Variants in CPQ observed in about 807,000 individuals in gnomAD.
CPQ encodes the protein Ser-Met dipeptidase.
CPQ carries 37 observed loss-of-function variants against 45.7 expected under a neutral mutation model. The observed-to-expected ratio is 0.81, with a 90% CI of 0.62 to 1.07. The LOEUF (loss-of-function observed/expected upper bound fraction) is 1.07, where lower values mean the gene tolerates loss of function less well. Among genes scored for constraint, CPQ ranks in the 50% least tolerant of loss-of-function variants. The pLI is 0.00. For missense variants in CPQ, 537 were observed against 572.9 expected (o/e 0.94, Z 0.64); for synonymous variants, 186 against 205.8 (o/e 0.90, Z 0.82).
At chr8:96,910,689 A>G (rs939151703) in intron 4 of CPQ, among the ~76,000 whole-genome samples, 2 of 152,144 alleles carry the variant, frequency 1.3e-5, no homozygotes, top group Admixed American at 6.5e-5. Flanking sequence ...TATATTTAGT[A>G]GAGACGGGGT....
intron 5 of CPQ, among the ~76,000 whole-genome samples, chr8:97,020,574 C>T (rs754570710): frequency 6.6e-6 from 1 of 152,032 alleles, no homozygotes; most frequent in Non-Finnish European, 1.5e-5. Context: ...TGCAAAAGGT[C>T]ATTCAAGGGT....
intron 2 of CPQ, among the ~76,000 whole-genome samples, chr8:96,792,366 T>C (rs1268206286): frequency 1.3e-5 from 2 of 152,228 alleles, no homozygotes; most frequent in Admixed American, 6.5e-5. Flanking sequence ...TTGGGCAGAC[T>C]ATGCGGTTCT....
chr8:96,863,669 T>A (rs1184464644), intron 3 of CPQ, among the ~76,000 whole-genome samples: 4 of 152,104 alleles, frequency 2.6e-5, no homozygotes, highest in African/African-American at 9.7e-5. Context: ...AGTGCTATTT[T>A]GTTTAGTGTT....
intron 4 of CPQ, among the ~76,000 whole-genome samples, chr8:96,930,488 T>G (rs1268812898): frequency 6.6e-6 from 1 of 152,214 alleles, no homozygotes; most frequent in Admixed American, 6.5e-5. Flanking sequence ...CAAACATGAT[T>G]ACCAAAAGTA....
At chr8:97,097,931 A>T (rs1811237348) in intron 7 of CPQ, among the ~76,000 whole-genome samples, 1 of 152,204 alleles carries the variant, frequency 6.6e-6, no homozygotes, top group Admixed American at 6.5e-5. Flanking sequence ...GCCCTAACTA[A>T]GTGCAAGGGG....
intron 5 of CPQ, among the ~76,000 whole-genome samples, chr8:96,985,191 G>A (rs747027530): frequency 1.3e-5 from 2 of 151,198 alleles, no homozygotes; most frequent in African/African-American, 4.9e-5. Context: ...ACCATGATTT[G>A]TTTAGGGACA....
chr8:96,845,653 T>G (rs1472804137), intron 3 of CPQ, among the ~76,000 whole-genome samples: 1 of 152,056 alleles, frequency 6.6e-6, no homozygotes, highest in Non-Finnish European at 1.5e-5. Context: ...TGTCTATTTT[T>G]TAAAAAAAAT....
At chr8:96,983,385 G>T (rs1441796675) in intron 5 of CPQ, among the ~76,000 whole-genome samples, 1 of 152,186 alleles carries the variant, frequency 6.6e-6, no homozygotes, top group Non-Finnish European at 1.5e-5. Context: ...TTCCAAAATA[G>T]AGAGTTATTA....
chr8:96,712,612 T>C (rs539794636), intron 1 of CPQ, among the ~76,000 whole-genome samples: 1 of 152,336 alleles, frequency 6.6e-6, no homozygotes, highest in African/African-American at 2.4e-5. Flanking sequence ...GCCTGAGCTG[T>C]ACTTAGCCTC....
At chr8:97,131,384 C>T (rs1034452350) in intron 7 of CPQ, among the ~76,000 whole-genome samples, 2 of 152,130 alleles carry the variant, frequency 1.3e-5, no homozygotes, top group African/African-American at 4.8e-5. Flanking sequence ...CACATGACAC[C>T]GTCTTCATTT....
rs60225089 is a variant in CPQ at position 96,750,683 on chromosome 8, C to T, written c.-34-34181C>T. Reference sequence around the variant, plus strand: ...TAGTGCAGGATGTACAGATTTGTTACGTAGGTAAACATGTGCCATGGTGGT... The same window carrying T: ...TAGTGCAGGATGTACAGATTTGTTATGTAGGTAAACATGTGCCATGGTGGT... On this transcript the variant is annotated intron_variant, in intron 1 of 7. Coordinates refer to ENST00000220763, the MANE Select transcript of CPQ (RefSeq NM_016134.4). 4.0e-5 allele frequency among the ~76,000 whole-genome samples: 6 copies of T among 149,720 alleles called. No individual in the cohort carries two copies. The East Asian group carries it at 5.9e-4, about 15-fold the overall frequency.
intron 2 of CPQ, among the ~76,000 whole-genome samples, chr8:96,806,502 A>G (rs910804393): frequency 6.6e-6 from 1 of 152,188 alleles, no homozygotes; most frequent in Non-Finnish European, 1.5e-5. Flanking sequence ...AAAATATGAA[A>G]TTATTATTAA....
intron 6 of CPQ, among the ~76,000 whole-genome samples, chr8:97,049,082 C>A (rs1563565943): frequency 6.6e-6 from 1 of 152,118 alleles, no homozygotes; most frequent in Admixed American, 6.6e-5. Context: ...TATAATTTCC[C>A]AGCTAATTAT....
At chr8:96,677,505 C>CT (rs1378255410) in intron 1 of CPQ, among the ~76,000 whole-genome samples, 1 of 151,712 alleles carries the variant, frequency 6.6e-6, no homozygotes, top group East Asian at 1.9e-4. Context: ...CCTTTGTGCA[C>CT]TTTTTGATGG....
At chr8:97,041,542 A>G (rs1439862381) in intron 6 of CPQ, among the ~76,000 whole-genome samples, 3 of 152,146 alleles carry the variant, frequency 2.0e-5, no homozygotes, top group Admixed American at 2.0e-4. Flanking sequence ...GTGGTGAGAG[A>G]GGGCATCCCT....
intron 3 of CPQ, among the ~76,000 whole-genome samples, chr8:96,842,418 C>T (rs1206937911): frequency 6.6e-6 from 1 of 152,132 alleles, no homozygotes; most frequent in African/African-American, 2.4e-5. Context: ...TGACTCACCT[C>T]GATTAGTAGG....
At chr8:96,785,746 T>TAATTATATATA (rs1027046713) in intron 2 of CPQ, among the ~76,000 whole-genome samples, 4 of 152,204 alleles carry the variant, frequency 2.6e-5, no homozygotes, top group Non-Finnish European at 4.4e-5. Flanking sequence ...TGAATTGATT[T>TAATTATATATA]AATTATTTTT....
chr8:96,785,917 C>T (rs928794839), intron 2 of CPQ, among the ~76,000 whole-genome samples: 1 of 152,106 alleles, frequency 6.6e-6, no homozygotes, highest in Non-Finnish European at 1.5e-5. Flanking sequence ...TGAATATATC[C>T]ATGGGCTAAT....
intron 1 of CPQ, among the ~76,000 whole-genome samples, chr8:96,750,593 T>C (rs1810245227): frequency 6.6e-6 from 1 of 152,064 alleles, no homozygotes; most frequent in Admixed American, 6.6e-5. Context: ...CTTTTCTTTT[T>C]TTTTTTTTCC....
Sources: gnomAD v4.1 joint callset for allele counts (sites outside exome capture counted in the v4.1 genomes callset) on GRCh38, gnomAD v4.1.1 for gene constraint, MANE v1.5 for transcripts, NCBI Gene and HGNC (gene_info 2026-07-23, HGNC 2026-07-21) for gene names.